Variants in IL10 observed in about 807,000 individuals in gnomAD.
IL10 encodes the protein interleukin-10.
Under a neutral mutation model 21.0 loss-of-function variants are expected in IL10, and 7 were observed. That is an observed-to-expected ratio of 0.33 (90% confidence interval 0.19 to 0.63). The LOEUF is 0.63. Among genes scored for constraint, IL10 ranks in the 20% least tolerant of loss-of-function variants. IL10 has a pLI of 0.77. For synonymous variants in IL10, 83 were observed against 79.7 expected (o/e 1.04, Z -0.22); for missense variants, 161 against 213.0 (o/e 0.76, Z 1.52).
Position 206,771,064 on chromosome 1 carries a change from G to C in IL10, c.226-5C>G, listed in dbSNP as rs760929586. 2.5e-6 allele frequency: 4 copies of C among 1,614,074 alleles called. No individual in the cohort carries two copies. Among genetic ancestry groups the C allele is most frequent in the Non-Finnish European group, 2.5e-6 (3 of 1,179,950 alleles). ...GGCTTGGCAACCCAGGTAACCCTAAGGGCAGGAGCCAAAGGTGAGTGAGAG... is the reference window on the plus strand; with the variant it reads ...GGCTTGGCAACCCAGGTAACCCTAACGGCAGGAGCCAAAGGTGAGTGAGAG... On this transcript the variant is annotated splice_polypyrimidine_tract_variant and splice_region_variant and intron_variant, in intron 2 of 4. Transcript: ENST00000423557.
At chr1:206,772,086 T>C (rs1030672713) in intron 1 of IL10, among the ~76,000 whole-genome samples, 185 bp downstream of exon 1, 2 of 152,220 alleles carry the variant, frequency 1.3e-5, no homozygotes, top group Non-Finnish European at 2.9e-5. Flanking sequence ...TACTGTATCA[T>C]CTGGCTTAGC....
Position 206,768,621 on chromosome 1 carries a change from C to G in IL10, c.*15G>C, listed in dbSNP as rs45588933. ...ATTTATGTCCTAGAGTCTATAGAGT[C>G]GCCACCCTGATGTCTCAGTTTCGTA... is the stretch of plus-strand genomic sequence containing the variant. On this transcript the variant is annotated 3_prime_UTR_variant, in exon 5 of 5. Transcript: ENST00000423557. 1,071 of 1,474,810 alleles carry G rather than the reference C, an allele frequency of 7.3e-4. 8 individuals carry two copies. The highest frequency in any genetic ancestry group is 1.5e-3 in the Middle Eastern group (9 of 5,818). The allele number at this position is 1,474,810 out of a possible 1,614,324, so 91.4% of individuals were successfully genotyped here. A position where few individuals can be genotyped will look rare whatever the true frequency, so the allele number is the denominator to read the frequency against.
intron 4 of IL10, 21 bp from the exon 5 acceptor site, chr1:206,768,749 C>G: frequency 6.7e-7 from 1 of 1,496,494 alleles, no homozygotes; most frequent in Non-Finnish European, 9.3e-7. Flanking sequence ...AGATAAGAAA[C>G]ATACAGTTAA....
In IL10 at chr1:206,768,125, A is replaced by T. The variant is rs2102436249; in HGVS notation, c.*511T>A. 2 of 219,936 alleles carry T rather than the reference A, an allele frequency of 9.1e-6. No individual in the cohort carries two copies. Among genetic ancestry groups the T allele is most frequent in the East Asian group, 1.4e-4 (2 of 14,502 alleles). The allele number at this position is 219,936 out of a possible 1,614,324, so 13.6% of individuals were successfully genotyped here. ...GAGGTTAGGGGAATCCCTCCGAGAC[A>T]CTGGAAGGTGAATTAATCATCAAAG... is the stretch of plus-strand genomic sequence containing the variant. On this transcript the variant is annotated 3_prime_UTR_variant, in exon 5 of 5. Coordinates refer to ENST00000423557, the MANE Select transcript of IL10 (RefSeq NM_000572.3).
chr1:206,771,024 G>T lies in IL10; in HGVS notation c.261C>A (p.Ile87=), dbSNP rs1674815548. 1.2e-6 allele frequency: 2 copies of T among 1,614,016 alleles called. No individual in the cohort carries two copies. Among genetic ancestry groups the T allele is most frequent in the Non-Finnish European group, 1.7e-6 (2 of 1,180,016 alleles). ...YLGCQALSEM[I]QFYLEEVMPQ... is the part of the protein sequence containing the mutation. ...GCATCACCTCCTCCAGGTAAAACTG[G>T]ATCATCTCAGACAAGGCTTGGCAAC... Residue 87 remains isoleucine (I), a synonymous_variant, in exon 3 of 5, where the codon ATC becomes ATA. Transcript: ENST00000423557.
Position 206,771,407 on chromosome 1 carries a change from C to T in IL10, c.174G>A (p.Lys58=). 6.2e-7 allele frequency: 1 copy of T among 1,609,636 alleles called. No homozygotes were observed. Among genetic ancestry groups the T allele is most frequent in the Non-Finnish European group, 8.5e-7 (1 of 1,177,834 alleles). Residue 58 remains lysine (K), a synonymous_variant, in exon 2 of 5, where the codon AAG becomes AAA. Coordinates refer to ENST00000423557, the MANE Select transcript of IL10 (RefSeq NM_000572.3). Reference sequence around the variant, plus strand: ...TTAACAACAAGTTGTCCAGCTGATCCTTCATTTGCTGCAGGAAGAACAAAA... The same window carrying T: ...TTAACAACAAGTTGTCCAGCTGATCTTTCATTTGCTGCAGGAAGAACAAAA... ...FSRVKTFFQM[K]DQLDNLLLKE...
chr1:206,771,257 A>G (rs1674827774), intron 2 of IL10, 99 bp downstream of exon 2: 1 of 1,257,784 alleles, frequency 8.0e-7, no homozygotes, highest in African/African-American at 1.5e-5. Flanking sequence ...TCCTTTTCAA[A>G]GCGAAGGAAA....
intron 4 of IL10, 129 bp downstream of exon 4, chr1:206,769,700 G>T: frequency 1.3e-6 from 1 of 770,076 alleles, no homozygotes. Context: ...CATACCATCT[G>T]TCAGGTTCCC....
At chr1:206,770,812 C>G in intron 3 of IL10, 95 bp downstream of exon 3, 4 of 1,207,736 alleles carry the variant, frequency 3.3e-6, no homozygotes, top group Admixed American at 3.4e-5. Flanking sequence ...CAGTCTGTGT[C>G]TTTGCTGTGT....
chr1:206,769,510 C>T, intron 4 of IL10: 1 of 469,608 alleles, frequency 2.1e-6, no homozygotes, highest in Non-Finnish European at 3.9e-6. Context: ...AAGCTACTTT[C>T]TGTACTTTCT....
rs760677075 is a variant in IL10 at position 206,769,890 on chromosome 1, C to A, written c.383G>T (p.Arg128Leu). ...TLRLRLRRCHRFLPCENKSKA... is the reference protein window; with the variant it reads ...TLRLRLRRCHLFLPCENKSKA... ...GCTCTTGTTTTCACAGGGAAGAAATCGATGCTGTGGAAGAAAAGAGAAAGT... is the reference window on the plus strand; with the variant it reads ...GCTCTTGTTTTCACAGGGAAGAAATAGATGCTGTGGAAGAAAAGAGAAAGT... Residue 128 changes from arginine (R) to leucine (L), a missense_variant, in exon 4 of 5, where the codon CGA (arginine) becomes CTA (leucine). Coordinates refer to ENST00000423557, the MANE Select transcript of IL10 (RefSeq NM_000572.3). The A allele has an allele frequency of 1.7e-5, 27 of 1,613,448 alleles. No individual in the cohort carries two copies. The Admixed American group carries it at 3.3e-4, about 20-fold the overall frequency.
At chr1:206,770,821 G>T in intron 3 of IL10, 86 bp downstream of exon 3, 1 of 1,273,824 alleles carries the variant, frequency 7.9e-7, no homozygotes, top group Non-Finnish European at 1.2e-6. Flanking sequence ...TCTTTGCTGT[G>T]TCTGTGGATG....
intron 3 of IL10, 107 bp downstream of exon 3, chr1:206,770,800 G>T: frequency 2.8e-6 from 3 of 1,089,842 alleles, no homozygotes; most frequent in Non-Finnish European, 4.3e-6. Flanking sequence ...AGCTAGCTCT[G>T]CCAGTCTGTG....
At chr1:206,770,780 C>T in intron 3 of IL10, 127 bp downstream of exon 3, 1 of 958,834 alleles carries the variant, frequency 1.0e-6, no homozygotes, top group Admixed American at 1.7e-5. Flanking sequence ...AGGAGTCTTT[C>T]CTCATTTACA....
chr1:206,772,205 T>A, intron 1 of IL10, 66 bp downstream of exon 1: 1 of 1,435,324 alleles, frequency 7.0e-7, no homozygotes. Flanking sequence ...TTCTTATAGT[T>A]CCAGGAGAAT....
chr1:206,768,088 TG>T lies in IL10; in HGVS notation c.*547del, dbSNP rs1674721620. ...CTGGCCACAGCTTTCAAGAATGAAG[TG>T]GTTGGGGAATGAGGTTAGGGGAATC... On this transcript the variant is annotated 3_prime_UTR_variant, in exon 5 of 5. Coordinates refer to ENST00000423557, the MANE Select transcript of IL10 (RefSeq NM_000572.3). 1 of 201,450 alleles carries T rather than the reference TG, an allele frequency of 5.0e-6. No homozygotes were observed. The highest frequency in any genetic ancestry group is 6.0e-5 in the Admixed American group (1 of 16,702). The allele number at this position is 201,450 out of a possible 1,614,324, so 12.5% of individuals were successfully genotyped here. A position where few individuals can be genotyped will look rare whatever the true frequency, so the allele number is the denominator to read the frequency against.
chr1:206,771,200 T>C (rs1674825903), intron 2 of IL10, 141 bp from the exon 3 acceptor site: 1 of 1,184,350 alleles, frequency 8.4e-7, no homozygotes, highest in Non-Finnish European at 1.3e-6. Context: ...GAGCCCTTTG[T>C]AAACCCTCTG....
At chr1:206,768,774 A>T in intron 4 of IL10, 46 bp from the exon 5 acceptor site, 1 of 1,168,260 alleles carries the variant, frequency 8.6e-7, no homozygotes, top group Non-Finnish European at 1.3e-6. Context: ...CTTTCTGGGG[A>T]CTAAATAGGC....
intron 1 of IL10, 145 bp downstream of exon 1, chr1:206,772,126 G>C: frequency 1.3e-6 from 1 of 763,456 alleles, no homozygotes; most frequent in East Asian, 2.7e-5. Context: ...GCTTGATCTA[G>C]GATTCTCTTA....
Sources: allele counts gnomAD v4.1 joint callset (sites outside exome capture counted in the v4.1 genomes callset), GRCh38; gene constraint gnomAD v4.1.1; transcripts MANE v1.5; gene names NCBI Gene and HGNC (gene_info 2026-07-23, HGNC 2026-07-21).